The following EML5 variants were observed in gnomAD, a reference collection of about 807,000 sequenced individuals.
EML5 encodes the protein EMAP like 5, also known as echinoderm microtubule-associated protein-like 5.
EML5 carries 120 observed loss-of-function variants against 250.0 expected under a neutral mutation model. The observed-to-expected ratio is 0.48, with a 90% CI of 0.41 to 0.56. The LOEUF (loss-of-function observed/expected upper bound fraction) is 0.56, where lower values mean the gene tolerates loss of function less well. Ranked by LOEUF, EML5 falls within the 20% of genes least tolerant of loss-of-function variation. EML5 has a pLI of 0.00. For synonymous variants in EML5, 771 were observed against 806.5 expected (o/e 0.96, Z 0.75); for missense variants, 2,006 against 2,437.6 (o/e 0.82, Z 3.73).
chr14:88,707,260 TAGGGA>T (rs1354236388), intron 10 of EML5, among the ~76,000 whole-genome samples: 5 of 149,918 alleles, frequency 3.3e-5, no homozygotes, highest in African/African-American at 9.8e-5. Context: ...TATGTGATAA[TAGGGA>T]TATATTTTAT....
chr14:88,638,314 G>T (rs940761594), intron 32 of EML5, among the ~76,000 whole-genome samples: 6 of 152,162 alleles, frequency 3.9e-5, no homozygotes, highest in African/African-American at 1.4e-4. Flanking sequence ...AAGACAGTTG[G>T]TGAATTAGGT....
At chr14:88,773,483 G>A (rs965049899) in intron 1 of EML5, among the ~76,000 whole-genome samples, 1 of 152,186 alleles carries the variant, frequency 6.6e-6, no homozygotes, top group African/African-American at 2.4e-5. Flanking sequence ...GTAAATGAGT[G>A]GATTTGGCTA....
At chr14:88,622,561 TTC>T (rs781717263) in intron 37 of EML5, 41 bp downstream of exon 37, 53 of 1,452,918 alleles carry the variant, frequency 3.6e-5, no homozygotes, top group Admixed American at 1.3e-4. Context: ...AATAACCACT[TTC>T]TGTTTTCTGC....
intron 1 of EML5, among the ~76,000 whole-genome samples, chr14:88,774,803 C>T (rs771045612): frequency 7.9e-5 from 12 of 152,196 alleles, no homozygotes; most frequent in Non-Finnish European, 1.3e-4. Context: ...TAAATACTGT[C>T]TATATGCTGA....
chr14:88,647,195 T>A (rs2091390581), intron 28 of EML5, among the ~76,000 whole-genome samples: 1 of 151,894 alleles, frequency 6.6e-6, no homozygotes, highest in Admixed American at 6.6e-5. Context: ...ATCCCGTCTC[T>A]ACTAAAAATA....
intron 8 of EML5, among the ~76,000 whole-genome samples, chr14:88,724,273 C>G: frequency 1.2e-5 from 1 of 80,738 alleles, no homozygotes; most frequent in Admixed American, 1.5e-4. Flanking sequence ...GACTCCATAT[C>G]AAAAAAAAAA....
At position 88,625,001 on chromosome 14, in the gene EML5, C is replaced by T; in HGVS notation, c.4867G>A (p.Gly1623Arg). 6.2e-7 allele frequency: 1 copy of T among 1,613,628 alleles called. No homozygotes were observed. The highest frequency in any genetic ancestry group is 8.5e-7 in the Non-Finnish European group (1 of 1,179,668). Reference protein sequence around the residue: ...VFAMYTTLRDGLIVTGGKERP... With the variant: ...VFAMYTTLRDRLIVTGGKERP... ...TCCTTTCCCCCAGTCACGATAAGTC[C>T]ATCTCGCAGGGTGGTGTACATGGCA... Residue 1623 changes from glycine to arginine, a missense_variant, in exon 36 of 44, where the codon GGA becomes AGA. Gly to Arg is a moderately radical substitution (Grantham distance 125). Coordinates refer to ENST00000554922, the MANE Select transcript of EML5 (RefSeq NM_183387.3).
At chr14:88,781,525 C>T (rs974797665) in intron 1 of EML5, among the ~76,000 whole-genome samples, 2 of 152,058 alleles carry the variant, frequency 1.3e-5, no homozygotes, top group African/African-American at 2.4e-5. Flanking sequence ...ATCCTTATCC[C>T]CTCTTTGCAT....
At chr14:88,731,092 G>A (rs1471863909) in intron 7 of EML5, among the ~76,000 whole-genome samples, 1 of 151,898 alleles carries the variant, frequency 6.6e-6, no homozygotes, top group Non-Finnish European at 1.5e-5. Context: ...ATTATGCTTT[G>A]AAGTTCTAGG....
At chr14:88,684,030 C>T (rs1419567290) in intron 20 of EML5, among the ~76,000 whole-genome samples, 1 of 151,838 alleles carries the variant, frequency 6.6e-6, no homozygotes, top group Non-Finnish European at 1.5e-5. Flanking sequence ...TGTGTATTTA[C>T]AGATGACATA....
intron 1 of EML5, among the ~76,000 whole-genome samples, chr14:88,781,573 T>C (rs1257872996): frequency 6.6e-6 from 1 of 152,192 alleles, no homozygotes; most frequent in African/African-American, 2.4e-5. Context: ...CCCACCCAAA[T>C]CTCACCTTGA....
chr14:88,717,087 G>C (rs2093508426), intron 8 of EML5, among the ~76,000 whole-genome samples: 1 of 152,196 alleles, frequency 6.6e-6, no homozygotes, highest in African/African-American at 2.4e-5. Context: ...TACAACCGAA[G>C]AATCATTTCT....
chr14:88,673,392 T>G (rs1046403702), intron 21 of EML5, among the ~76,000 whole-genome samples: 1 of 152,140 alleles, frequency 6.6e-6, no homozygotes, highest in Admixed American at 6.5e-5. Context: ...TACCTCAAAA[T>G]AATAATGATA....
At chr14:88,747,322 G>T (rs1249503190) in intron 2 of EML5, among the ~76,000 whole-genome samples, 1 of 152,066 alleles carries the variant, frequency 6.6e-6, no homozygotes, top group Non-Finnish European at 1.5e-5. Context: ...TGAGGCAGGG[G>T]AATCACTTGA....
chr14:88,765,721 A>G (rs2094311761), intron 1 of EML5, among the ~76,000 whole-genome samples: 1 of 152,240 alleles, frequency 6.6e-6, no homozygotes, highest in East Asian at 1.9e-4. Context: ...TCTGGCTACC[A>G]TGCAGACTCA....
intron 6 of EML5, among the ~76,000 whole-genome samples, chr14:88,736,919 G>A (rs1466522582): frequency 6.6e-6 from 1 of 151,782 alleles, no homozygotes; most frequent in African/African-American, 2.4e-5. Flanking sequence ...CCCATTCTGA[G>A]CCCATAAAGG....
intron 13 of EML5, among the ~76,000 whole-genome samples, chr14:88,704,629 C>G (rs557266614): frequency 6.6e-6 from 1 of 152,214 alleles, no homozygotes; most frequent in East Asian, 1.9e-4. Flanking sequence ...CCAACAATGT[C>G]CTTTATAATC....
intron 1 of EML5, among the ~76,000 whole-genome samples, chr14:88,760,253 A>G (rs1393048066): frequency 1.3e-5 from 2 of 152,080 alleles, no homozygotes; most frequent in Non-Finnish European, 1.5e-5. Context: ...ATTTCCTCTG[A>G]TATTTTCTAA....
At chr14:88,618,552 CTG>C (rs2088172875) in intron 40 of EML5, 96 bp downstream of exon 40, 1 of 1,384,858 alleles carries the variant, frequency 7.2e-7, no homozygotes, top group African/African-American at 1.4e-5. Flanking sequence ...AGTTGAGAAG[CTG>C]GAGCTCTGGA....
Sources: gnomAD v4.1 joint callset for allele counts (sites outside exome capture counted in the v4.1 genomes callset) on GRCh38, gnomAD v4.1.1 for gene constraint, MANE v1.5 for transcripts, NCBI Gene and HGNC (gene_info 2026-07-23, HGNC 2026-07-21) for gene names.